LY75: variants seen among roughly 807,000 people sequenced by gnomAD.
LY75 encodes the protein C-type lectin domain family 13 member B.
In LY75, 185 loss-of-function variants were observed where a neutral mutation model predicts 231.7. The observed-to-expected ratio is 0.80, with a 90% CI of 0.71 to 0.90. The LOEUF (loss-of-function observed/expected upper bound fraction) is 0.90, where lower values mean the gene tolerates loss of function less well. Among genes scored for constraint, LY75 ranks in the 40% least tolerant of loss-of-function variants. LY75 has a pLI of 0.00. For missense variants in LY75, 1,947 were observed against 2,050.2 expected (o/e 0.95, Z 0.97); for synonymous variants, 668 against 689.0 (o/e 0.97, Z 0.48).
At chr2:159,883,369 G>T (rs1369719872) in intron 6 of LY75, among the ~76,000 whole-genome samples, 1 of 150,932 alleles carries the variant, frequency 6.6e-6, no homozygotes, top group Non-Finnish European at 1.5e-5. Flanking sequence ...TCTTACACTT[G>T]CGAGATAACT....
At chr2:159,885,115 C>T (rs751037112) in intron 6 of LY75, 38 bp downstream of exon 6, 3 of 1,590,198 alleles carry the variant, frequency 1.9e-6, no homozygotes, top group African/African-American at 2.7e-5. Flanking sequence ...GATTTTAAGA[C>T]CTATTTGTCT....
rs1294079154 is a variant in LY75 at position 159,874,541 on chromosome 2, ATAT to A, written c.1974+900_1974+902del. 9.1e-4 allele frequency among the ~76,000 whole-genome samples: 72 copies of A among 78,874 alleles called. 8 individuals are homozygous for A. The highest frequency in any genetic ancestry group is 4.3e-3 in the South Asian group (6 of 1,406). 51.7% of individuals were successfully genotyped at this position (78,874 alleles called of 152,430 possible). A position where few individuals can be genotyped will look rare whatever the true frequency, so the allele number is the denominator to read the frequency against. ...GTACATATTTTGTAAATCTATATAA[ATAT>A]GTACATATTTTGTAAATCTATATAA... On this transcript the variant is annotated intron_variant, in intron 12 of 34. Transcript: ENST00000263636.
rs751384740 is a variant in LY75, at chr2:159,852,312, G to A, written c.2772C>T (p.Thr924=). The A allele has an allele frequency of 1.2e-6, 2 of 1,613,902 alleles. No individual in the cohort carries two copies. Among genetic ancestry groups the A allele is most frequent in the South Asian group, 1.1e-5 (1 of 91,076 alleles). Reference sequence around the variant, plus strand: ...ATTTTTCACAGATGAAGGGCAACTTGGTACTACAGTCTGTTGGTTTACCTA... The same window carrying A: ...ATTTTTCACAGATGAAGGGCAACTTAGTACTACAGTCTGTTGGTTTACCTA... ...IDLGKPTDCS[T]KLPFICEKYN... Residue 924 remains threonine (T), a synonymous_variant, in exon 21 of 35, where the codon ACC becomes ACT. Transcript: ENST00000263636.
At chr2:159,896,175 T>C (rs114499705) in intron 2 of LY75, among the ~76,000 whole-genome samples, 6,152 of 152,292 alleles carry the variant, frequency 0.04, 151 homozygotes, top group Non-Finnish European at 0.064. Flanking sequence ...CCACAAAAAG[T>C]CCATTTCCTC....
intron 1 of LY75, chr2:159,902,740 T>A (rs1686116938): frequency 6.6e-6 from 1 of 152,148 alleles, no homozygotes; most frequent in African/African-American, 2.4e-5. Context: ...GACAGTTGAG[T>A]CCATGGCAAT....
In LY75 at chr2:159,815,388, T is replaced by C. The variant is rs376112166; in HGVS notation, c.4549+17A>G. On this transcript the variant is annotated intron_variant, in intron 31 of 34. Transcript: ENST00000263636. ...CACATTTTCATAAATGTACTGTTAC[T>C]GAAATTGAAGTCTTACATTTTGTAG... The C allele has an allele frequency of 6.1e-4, 968 of 1,577,942 alleles. 2 individuals are homozygous for C. Among genetic ancestry groups the C allele is most frequent in the Non-Finnish European group, 8.0e-4 (930 of 1,166,422 alleles).
Position 159,810,569 on chromosome 2 carries a change from T to C in LY75, c.4656A>G (p.Ala1552=). 6.2e-7 allele frequency: 1 copy of C among 1,614,202 alleles called. No individual in the cohort carries two copies. Residue 1552 remains alanine, a synonymous_variant, in exon 32 of 35, where the codon GCA becomes GCG. Transcript: ENST00000263636. ...YKGHCYKSDQ[A]LHSFSEAKKL... ...TTTTGGCCTCTGAAAAACTGTGCAA[T>C]GCCTGATCAGACTTGTAACAGTGAC... is the stretch of plus-strand genomic sequence containing the variant.
chr2:159,895,659 A>G (rs1437243292), intron 2 of LY75, among the ~76,000 whole-genome samples: 1 of 152,198 alleles, frequency 6.6e-6, no homozygotes, highest in Non-Finnish European at 1.5e-5. Context: ...GACAGGAATG[A>G]GAATGGGCTC....
At chr2:159,892,832 A>T (rs1464567528) in intron 3 of LY75, among the ~76,000 whole-genome samples, 3 of 152,156 alleles carry the variant, frequency 2.0e-5, no homozygotes, top group Admixed American at 6.5e-5. Context: ...GTAAAAAGTA[A>T]CGAGAAAAAG....
At position 159,835,634 on chromosome 2, in the gene LY75, G is replaced by A; in HGVS notation, c.3519C>T (p.Asn1173=). Residue 1173 remains asparagine (N), a synonymous_variant, in exon 26 of 35, where the codon AAC becomes AAT. Transcript: ENST00000263636. The part of the protein sequence containing the change: ...IGLFSQDDEL[N]FGWSDGKRLH... Reference sequence around the variant, plus strand: ...GACGTTTCCCATCTGACCAACCAAAGTTGAGTTCATCCTGTAAGGAGCAGA... The same window carrying A: ...GACGTTTCCCATCTGACCAACCAAAATTGAGTTCATCCTGTAAGGAGCAGA... 1 of 1,613,390 alleles carries A rather than the reference G, an allele frequency of 6.2e-7. No homozygotes were observed. The highest frequency in any genetic ancestry group is 8.5e-7 in the Non-Finnish European group (1 of 1,179,678).
At chr2:159,835,909 T>C (rs752071116) in intron 25 of LY75, among the ~76,000 whole-genome samples, 1 of 152,162 alleles carries the variant, frequency 6.6e-6, no homozygotes, top group Non-Finnish European at 1.5e-5. Flanking sequence ...TTGTGCAAAG[T>C]CCCACAGAAT....
intron 33 of LY75, 67 bp downstream of exon 33, chr2:159,808,382 G>C: frequency 1.2e-6 from 2 of 1,610,058 alleles, no homozygotes; most frequent in Non-Finnish European, 1.7e-6. Context: ...CTTTAGCAAG[G>C]ACGACTTGTT....
At chr2:159,857,086 A>G (rs1468131533) in intron 16 of LY75, among the ~76,000 whole-genome samples, 1 of 152,204 alleles carries the variant, frequency 6.6e-6, no homozygotes, top group East Asian at 1.9e-4. Flanking sequence ...AAGGATATCC[A>G]AACTGGTTTT....
intron 28 of LY75, among the ~76,000 whole-genome samples, chr2:159,827,694 C>T (rs1179283465): frequency 6.6e-6 from 1 of 152,148 alleles, no homozygotes; most frequent in Non-Finnish European, 1.5e-5. Context: ...ATAGCAAAGA[C>T]TTGGAACCAA....
intron 28 of LY75, among the ~76,000 whole-genome samples, chr2:159,830,123 C>T (rs1683603635): frequency 6.6e-6 from 1 of 152,180 alleles, no homozygotes; most frequent in South Asian, 2.1e-4. Flanking sequence ...ACTTGGTAAA[C>T]CAAGTCTTTA....
chr2:159,864,796 A>ACAGTGTTT, intron 14 of LY75, 43 bp downstream of exon 14: 1 of 1,464,326 alleles, frequency 6.8e-7, no homozygotes, highest in East Asian at 2.6e-5. Context: ...ATTGAAACAA[A>ACAGTGTTT]CAGTGTTTCC....
At position 159,807,021 on chromosome 2, in the gene LY75, C is replaced by CTT; in HGVS notation, c.4940_4941dup (p.Val1648LysfsTer24). 1.2e-6 allele frequency: 2 copies of CTT among 1,613,958 alleles called. No individual in the cohort carries two copies. Among genetic ancestry groups the CTT allele is most frequent in the Non-Finnish European group, 1.7e-6 (2 of 1,179,904 alleles). ...CTTCCAAAACCATGTTCACATTCAA[C>CTT]TTTTTTCCAAGTTTCATTTGAAGCT... On this transcript the variant is annotated frameshift_variant, in exon 34 of 35. Transcript: ENST00000263636. LOFTEE classifies it high-confidence loss of function.
chr2:159,845,250 A>C (rs1198854272), intron 23 of LY75, among the ~76,000 whole-genome samples: 5 of 152,200 alleles, frequency 3.3e-5, no homozygotes, highest in Non-Finnish European at 5.9e-5. Flanking sequence ...GAGTTTTAAA[A>C]TTTTAACTAT....
At chr2:159,814,690 A>AAAAAGAAAAGAAAAGAAAGG (rs1416673831) in intron 31 of LY75, among the ~76,000 whole-genome samples, 1 of 151,268 alleles carries the variant, frequency 6.6e-6, no homozygotes, top group Admixed American at 6.6e-5. Flanking sequence ...TAAGAAAAGA[A>AAAAAGAAAAGAAAAGAAAGG]AAAAGAAAAG....
Sources: allele counts gnomAD v4.1 joint callset (sites outside exome capture counted in the v4.1 genomes callset), GRCh38; gene constraint gnomAD v4.1.1; transcripts MANE v1.5; gene names NCBI Gene and HGNC (gene_info 2026-07-23, HGNC 2026-07-21).